Variants in PEAK1 observed in about 807,000 individuals in gnomAD.
PEAK1 encodes the protein inactive tyrosine-protein kinase PEAK1.
A neutral mutation model predicts 124.7 loss-of-function variants in PEAK1; 54 were observed. The ratio of observed to expected loss-of-function variants is 0.43; its 90% CI spans 0.35 to 0.54. PEAK1 has a LOEUF of 0.54. PEAK1 is among the 20% of genes least tolerant of loss of function. PEAK1 has a pLI of 0.01. For missense variants in PEAK1, 2,046 were observed against 2,134.5 expected (o/e 0.96, Z 0.82); for synonymous variants, 719 against 760.0 (o/e 0.95, Z 0.89).
chr15:77,254,642 A>G (rs965423032), intron 5 of PEAK1, among the ~76,000 whole-genome samples: 1 of 152,140 alleles, frequency 6.6e-6, no homozygotes, highest in Non-Finnish European at 1.5e-5. Flanking sequence ...TACATTGCCT[A>G]GGCTAGTCCT....
At chr15:77,319,775 T>C (rs1003649840) in intron 2 of PEAK1, among the ~76,000 whole-genome samples, 2 of 152,202 alleles carry the variant, frequency 1.3e-5, no homozygotes, top group Non-Finnish European at 2.9e-5. Flanking sequence ...TCTAATGTTA[T>C]AGGCCTTCTA....
chr15:77,198,937 G>A (rs1051080844), intron 6 of PEAK1, among the ~76,000 whole-genome samples: 5 of 152,204 alleles, frequency 3.3e-5, no homozygotes, highest in African/African-American at 1.2e-4. Flanking sequence ...TAGTGCAAAT[G>A]AAGTGCCCTA....
At chr15:77,176,236 A>C (rs1458202912) in intron 7 of PEAK1, among the ~76,000 whole-genome samples, 1 of 151,468 alleles carries the variant, frequency 6.6e-6, no homozygotes, top group Non-Finnish European at 1.5e-5. Flanking sequence ...CATGTACCCT[A>C]AAACTTAAAG....
intron 6 of PEAK1, among the ~76,000 whole-genome samples, chr15:77,214,252 G>T (rs1054487648): frequency 6.6e-6 from 1 of 151,924 alleles, no homozygotes; most frequent in Non-Finnish European, 1.5e-5. Flanking sequence ...TTTCAGTTGG[G>T]TAAATACCTT....
In PEAK1 at chr15:77,210,430, A is replaced by G. The variant is rs115647522; in HGVS notation, c.-114-28390T>C. On this transcript the variant is annotated intron_variant, in intron 6 of 9. Transcript: ENST00000682557. ...AAATCCAGTAAAAAGTCCATTTTAA[A>G]TCCAGTAAAAAGTCAAGACTCTACA... Among the ~76,000 whole-genome samples the G allele has an allele frequency of 7.0e-3, 1,067 of 152,294 alleles. 10 individuals carry two copies. Among genetic ancestry groups the G allele is most frequent in the African/African-American group, 0.024 (1,018 of 41,558 alleles).
At chr15:77,241,503 G>A (rs952141215) in intron 6 of PEAK1, among the ~76,000 whole-genome samples, 2 of 151,910 alleles carry the variant, frequency 1.3e-5, no homozygotes, top group African/African-American at 2.4e-5. Context: ...GAAGTAAAAG[G>A]CATATATATT....
intron 1 of PEAK1, among the ~76,000 whole-genome samples, chr15:77,407,180 T>C (rs370080689): frequency 2.5e-4 from 38 of 152,088 alleles, no homozygotes; most frequent in African/African-American, 8.7e-4. Context: ...AAAGATAACA[T>C]CGGAAAAACC....
At chr15:77,152,628 T>C (rs1436187985) in intron 8 of PEAK1, among the ~76,000 whole-genome samples, 1 of 152,214 alleles carries the variant, frequency 6.6e-6, no homozygotes, top group African/African-American at 2.4e-5. Flanking sequence ...TGTGGGTTTG[T>C]CATAGATAGC....
chr15:77,133,066 C>G lies in PEAK1; in HGVS notation c.4016G>C (p.Gly1339Ala). 6.2e-7 allele frequency: 1 copy of G among 1,614,160 alleles called. No homozygotes were observed. The highest frequency in any genetic ancestry group is 8.5e-7 in the Non-Finnish European group (1 of 1,180,010). ...TGAAGCAGTATAGTAAACCGCATCA[C>G]CTGCCTCACAACATGGTTTGTCACT... is the stretch of plus-strand genomic sequence containing the variant. ...LTSDKPCCEA[G>A]DAVYYTASYA... The change falls in exon 9 of 10, where the codon GGT (glycine) becomes GCT (alanine). Residue 1339 changes from glycine to alanine, a missense_variant. Coordinates refer to ENST00000682557, the MANE Select transcript of PEAK1 (RefSeq NM_001385026.1). The surrounding 1 kb of genome is among the most constrained non-coding windows in gnomAD (Gnocchi z 4.2).
At chr15:77,251,531 A>G (rs1288635307) in intron 6 of PEAK1, among the ~76,000 whole-genome samples, 2 of 152,210 alleles carry the variant, frequency 1.3e-5, no homozygotes, top group Admixed American at 1.3e-4. Context: ...ACAAGAAATA[A>G]AGTTCAAAAA....
chr15:77,387,531 T>C (rs1319126355), intron 1 of PEAK1, among the ~76,000 whole-genome samples: 1 of 152,240 alleles, frequency 6.6e-6, no homozygotes, highest in African/African-American at 2.4e-5. Flanking sequence ...CTAACTAATG[T>C]GTACGATCTC....
In PEAK1 at chr15:77,268,059, C is replaced by T. The variant is rs532835401; in HGVS notation, c.-274-15533G>A. Among the ~76,000 whole-genome samples, 22 of 152,170 alleles carry T rather than the reference C, an allele frequency of 1.4e-4. 1 individual carries two copies. The South Asian group carries it at 4.6e-3, about 32-fold the overall frequency. The stretch of plus-strand genomic sequence containing the variant: ...AATGAAGGGCACACTTAGAGAATTG[C>T]AAAATGCAATGGAATGCCTCAGAAA... On this transcript the variant is annotated intron_variant, in intron 5 of 9. Transcript: ENST00000682557.
chr15:77,251,529 T>C (rs2060881800), intron 6 of PEAK1, among the ~76,000 whole-genome samples: 1 of 152,082 alleles, frequency 6.6e-6, no homozygotes, highest in Admixed American at 6.6e-5. Flanking sequence ...AAACAAGAAA[T>C]AAAGTTCAAA....
intron 7 of PEAK1, among the ~76,000 whole-genome samples, chr15:77,176,219 T>C (rs2056859230): frequency 6.8e-6 from 1 of 148,146 alleles, no homozygotes; most frequent in Non-Finnish European, 1.5e-5. Flanking sequence ...AACCTGCACA[T>C]TGTGCACATG....
At chr15:77,193,976 T>C (rs753557415) in intron 6 of PEAK1, among the ~76,000 whole-genome samples, 2 of 152,230 alleles carry the variant, frequency 1.3e-5, no homozygotes, top group Admixed American at 1.3e-4. Flanking sequence ...TCCAGAATTA[T>C]ACCTCTTGCT....
At chr15:77,135,207 T>C (rs1311606248) in intron 8 of PEAK1, among the ~76,000 whole-genome samples, 3 of 152,236 alleles carry the variant, frequency 2.0e-5, no homozygotes, top group Admixed American at 6.5e-5. Context: ...AGGAAACTCA[T>C]ACATTCTCCT....
chr15:77,229,631 T>G (rs2059818514), intron 6 of PEAK1, among the ~76,000 whole-genome samples: 3 of 151,518 alleles, frequency 2.0e-5, no homozygotes. Context: ...CTTCTTTAGC[T>G]GTTTCTTTCT....
At position 77,138,861 on chromosome 15, in the gene PEAK1, CA is replaced by C. The variant is rs34066984; in HGVS notation, c.3332-5112del. 3.1e-3 allele frequency among the ~76,000 whole-genome samples: 407 copies of C among 131,342 alleles called. 2 individuals are homozygous for C. Among genetic ancestry groups the C allele is most frequent in the African/African-American group, 0.01 (344 of 34,208 alleles). 86.2% of individuals were successfully genotyped at this position (131,342 alleles called of 152,430 possible). A position where few individuals can be genotyped will look rare whatever the true frequency, so the allele number is the denominator to read the frequency against. On this transcript the variant is annotated intron_variant, in intron 8 of 9. Coordinates refer to ENST00000682557, the MANE Select transcript of PEAK1 (RefSeq NM_001385026.1). ...TGGGTGACAGAGCGAGACTCTGTCT[CA>C]AAAAAAAAAAAAAAATTGTTTTTTC...
At chr15:77,346,826 T>C in intron 2 of PEAK1, 1 of 779,312 alleles carries the variant, frequency 1.3e-6, no homozygotes, top group Non-Finnish European at 1.6e-6. Flanking sequence ...CTGTAGGTGC[T>C]AGAGATACAG....
Sources: gnomAD v4.1 joint callset for allele counts (sites outside exome capture counted in the v4.1 genomes callset) on GRCh38, gnomAD v4.1.1 for gene constraint, Gnocchi (gnomAD v3.1) non-coding constraint, MANE v1.5 for transcripts, NCBI Gene and HGNC (gene_info 2026-07-23, HGNC 2026-07-21) for gene names.